Variants in ST3GAL2 observed in about 807,000 individuals in gnomAD.
ST3GAL2 encodes the protein CMP-N-acetylneuraminate-beta-galactosamide-alpha-2,3-sialyltransferase 2.
Under a neutral mutation model 37.5 loss-of-function variants are expected in ST3GAL2, and 16 were observed. The ratio of observed to expected loss-of-function variants is 0.43; its 90% CI spans 0.29 to 0.65. The LOEUF is 0.65. Ranked by LOEUF, ST3GAL2 falls within the 30% of genes least tolerant of loss-of-function variation. The pLI is 0.17. For synonymous variants in ST3GAL2, 238 were observed against 202.9 expected (o/e 1.17, Z -1.47); for missense variants, 383 against 487.8 (o/e 0.79, Z 2.02).
In ST3GAL2 at chr16:70,399,141, TGTGA is replaced by T; in HGVS notation, c.-615_-612del. The T allele has an allele frequency of 2.5e-6, 1 of 399,872 alleles. No homozygotes were observed. The highest frequency in any genetic ancestry group is 4.4e-6 in the Non-Finnish European group (1 of 227,002). 24.8% of individuals were successfully genotyped at this position (399,872 alleles called of 1,614,324 possible). On this transcript the variant is annotated 5_prime_UTR_variant, in exon 2 of 7. An upstream open reading frame in the 5' UTR gains an earlier in-frame stop. Transcript: ENST00000342907. ...CTGAGAGGACAAAAACAGGAAGCTC[TGTGA>T]GTGTGGGAAAACTCCGCTGCAGAGA... is the stretch of plus-strand genomic sequence containing the variant.
intron 1 of ST3GAL2, among the ~76,000 whole-genome samples, chr16:70,407,538 G>A (rs2151668075): frequency 6.6e-6 from 1 of 152,288 alleles, no homozygotes; most frequent in South Asian, 2.1e-4. Flanking sequence ...TGTCCAAGTT[G>A]CTGAGGCTGT....
chr16:70,416,301 C>T (rs1425250793), intron 1 of ST3GAL2, among the ~76,000 whole-genome samples: 1 of 152,166 alleles, frequency 6.6e-6, no homozygotes, highest in Non-Finnish European at 1.5e-5. Flanking sequence ...CCAGGCCTCC[C>T]CAGCCTCATC....
chr16:70,413,406 A>G (rs2047652759), intron 1 of ST3GAL2, among the ~76,000 whole-genome samples: 1 of 151,456 alleles, frequency 6.6e-6, no homozygotes, highest in Non-Finnish European at 1.5e-5. Flanking sequence ...ACAGAGTGAG[A>G]CTCTGTCTCT....
At chr16:70,398,139 G>A (rs768121779) in intron 2 of ST3GAL2, 53 bp downstream of exon 2, 76 of 1,571,242 alleles carry the variant, frequency 4.8e-5, no homozygotes, top group Non-Finnish European at 6.5e-5. Flanking sequence ...AGGGGGCTCT[G>A]AGTGGCTCTA....
intron 3 of ST3GAL2, among the ~76,000 whole-genome samples, chr16:70,390,182 C>A (rs370885173): frequency 6.6e-6 from 1 of 152,312 alleles, no homozygotes; most frequent in South Asian, 2.1e-4. Flanking sequence ...TCAATCAATC[C>A]TCCAGCTTCA....
At chr16:70,388,824 G>A (rs1374078373) in intron 3 of ST3GAL2, among the ~76,000 whole-genome samples, 1 of 151,870 alleles carries the variant, frequency 6.6e-6, no homozygotes, top group African/African-American at 2.4e-5. Flanking sequence ...CACTTTGGGA[G>A]GCCAAGGTGG....
intron 3 of ST3GAL2, among the ~76,000 whole-genome samples, chr16:70,394,690 T>C (rs1364653830): frequency 6.6e-6 from 1 of 152,156 alleles, no homozygotes; most frequent in Non-Finnish European, 1.5e-5. Context: ...TGATGGGATT[T>C]TTCACCAAAC....
intron 1 of ST3GAL2, among the ~76,000 whole-genome samples, chr16:70,422,189 T>TCCTC (rs770054256): frequency 5.3e-5 from 8 of 152,134 alleles, no homozygotes; most frequent in Non-Finnish European, 1.0e-4. Context: ...GGGCTGCAGG[T>TCCTC]CCTCCATTTG....
chr16:70,418,109 T>C (rs1446490519), intron 1 of ST3GAL2, among the ~76,000 whole-genome samples: 1 of 152,116 alleles, frequency 6.6e-6, no homozygotes, highest in African/African-American at 2.4e-5. Context: ...ATGCTTTGAA[T>C]CACAAGAGAA....
At chr16:70,415,384 G>GCAC (rs2047669185) in intron 1 of ST3GAL2, among the ~76,000 whole-genome samples, 1 of 152,246 alleles carries the variant, frequency 6.6e-6, no homozygotes, top group Admixed American at 6.5e-5. Context: ...CCTCCGGGCG[G>GCAC]CACGGGGAAG....
intron 1 of ST3GAL2, among the ~76,000 whole-genome samples, chr16:70,416,587 A>C (rs1223956541): frequency 6.6e-6 from 1 of 152,204 alleles, no homozygotes; most frequent in African/African-American, 2.4e-5. Context: ...GGGCTATAAA[A>C]ATCAAAAGAA....
chr16:70,391,838 G>A (rs768053302), intron 3 of ST3GAL2, among the ~76,000 whole-genome samples: 61 of 152,286 alleles, frequency 4.0e-4, no homozygotes, highest in Non-Finnish European at 7.6e-4. Context: ...CGAGCTCCTG[G>A]GCTCAATCAG....
intron 1 of ST3GAL2, among the ~76,000 whole-genome samples, chr16:70,419,698 A>G (rs769132720): frequency 1.9e-4 from 29 of 152,350 alleles, no homozygotes; most frequent in Admixed American, 1.6e-3. Context: ...AGGTCAGAGC[A>G]GCTCGCTCGC....
intron 1 of ST3GAL2, among the ~76,000 whole-genome samples, chr16:70,407,809 G>A (rs573419870): frequency 2.0e-5 from 3 of 152,178 alleles, no homozygotes; most frequent in African/African-American, 4.8e-5. Flanking sequence ...GCCAATTCTC[G>A]GTCAGATCCC....
At chr16:70,431,970 A>AT (rs1555562174) in intron 1 of ST3GAL2, among the ~76,000 whole-genome samples, 58 of 144,184 alleles carry the variant, frequency 4.0e-4, no homozygotes, top group South Asian at 8.4e-4. Flanking sequence ...TCTTAAAAAA[A>AT]ATATATATAT....
In ST3GAL2 at chr16:70,398,991, G is replaced by A. The variant is rs957981564; in HGVS notation, c.-461C>T. The A allele has an allele frequency of 2.2e-5, 9 of 417,228 alleles. No homozygotes were observed. The highest frequency in any genetic ancestry group is 1.6e-4 in the African/African-American group (8 of 49,106). 25.8% of individuals were successfully genotyped at this position (417,228 alleles called of 1,614,324 possible). A position where few individuals can be genotyped will look rare whatever the true frequency, so the allele number is the denominator to read the frequency against. On this transcript the variant is annotated 5_prime_UTR_variant, in exon 2 of 7. Transcript: ENST00000342907. Reference sequence around the variant, plus strand: ...GGCGGCCCCTCGTTCCCGGCAGCGGGGAAGCCCTAGAACTCCAATCACAAC... The same window carrying A: ...GGCGGCCCCTCGTTCCCGGCAGCGGAGAAGCCCTAGAACTCCAATCACAAC...
At chr16:70,394,680 T>G (rs138847566) in intron 3 of ST3GAL2, among the ~76,000 whole-genome samples, 27 of 152,326 alleles carry the variant, frequency 1.8e-4, no homozygotes, top group African/African-American at 6.3e-4. Context: ...GCCCTGCCTC[T>G]GATGGGATTT....
At chr16:70,435,789 C>T (rs752372165) in intron 1 of ST3GAL2, among the ~76,000 whole-genome samples, 8 of 139,884 alleles carry the variant, frequency 5.7e-5, no homozygotes, top group African/African-American at 1.8e-4. Context: ...AGGGAAACCT[C>T]GTCTCAAAAT....
At chr16:70,417,877 G>T (rs976294131) in intron 1 of ST3GAL2, among the ~76,000 whole-genome samples, 1 of 152,114 alleles carries the variant, frequency 6.6e-6, no homozygotes, top group Admixed American at 6.5e-5. Context: ...CCTCCAGGGG[G>T]CCATTAAACT....
Sources: gnomAD v4.1 joint callset for allele counts (sites outside exome capture counted in the v4.1 genomes callset) on GRCh38, gnomAD v4.1.1 for gene constraint, MANE v1.5 for transcripts, NCBI Gene and HGNC (gene_info 2026-07-23, HGNC 2026-07-21) for gene names.